The following C16orf87 variants were observed in gnomAD, a reference collection of about 807,000 sequenced individuals.
C16orf87 encodes the protein HDAC and MIER1 interacting protein 1.
A neutral mutation model predicts 21.0 loss-of-function variants in C16orf87; 13 were observed. The ratio of observed to expected loss-of-function variants is 0.62; its 90% confidence interval spans 0.40 to 0.98. The LOEUF (loss-of-function observed/expected upper bound fraction) is 0.98, where lower values mean the gene tolerates loss of function less well. Among genes scored for constraint, C16orf87 ranks in the 50% least tolerant of loss-of-function variants. C16orf87 has a pLI of 0.00. For synonymous variants in C16orf87, 49 were observed against 60.2 expected (o/e 0.81, Z 0.86); for missense variants, 113 against 180.4 (o/e 0.63, Z 2.14).
Position 46,824,394 on chromosome 16 carries a change from G to A in C16orf87, c.155C>T (p.Pro52Leu). The A allele has an allele frequency of 7.0e-7, 1 of 1,419,090 alleles. No individual in the cohort carries two copies. Among genetic ancestry groups the A allele is most frequent in the Non-Finnish European group, 9.9e-7 (1 of 1,014,438 alleles). The allele number at this position is 1,419,090 out of a possible 1,614,324, so 87.9% of individuals were successfully genotyped here. ...ATTAAACTCACAGTTACCTGTAGAAGGTGGTGATTTCTCTGAGTGTTTTGC... is the reference window on the plus strand; with the variant it reads ...ATTAAACTCACAGTTACCTGTAGAAAGTGGTGATTTCTCTGAGTGTTTTGC... ...LNAKHSEKSPPSTENKHEAKR... is the reference protein window; with the variant it reads ...LNAKHSEKSPLSTENKHEAKR... The change falls in exon 2 of 4, where the codon CCT becomes CTT. Residue 52 changes from proline (P) to leucine (L), a missense_variant. By Grantham distance (98) the Pro-to-Leu change is moderately conservative. Coordinates refer to ENST00000285697, the MANE Select transcript of C16orf87 (RefSeq NM_001001436.4).
intron 1 of C16orf87, among the ~76,000 whole-genome samples, chr16:46,827,842 C>G (rs1420977025): frequency 2.6e-5 from 4 of 151,438 alleles, no homozygotes; most frequent in African/African-American, 9.7e-5. Context: ...CTCGGCCTTC[C>G]AAAGTGCTGG....
intron 2 of C16orf87, among the ~76,000 whole-genome samples, chr16:46,811,956 A>G (rs760890759): frequency 6.6e-6 from 1 of 152,106 alleles, no homozygotes; most frequent in Non-Finnish European, 1.5e-5. Context: ...CTGTTCTTAA[A>G]CAAATGACAG....
At position 46,809,683 on chromosome 16, in the gene C16orf87, C is replaced by T. The variant is rs750863700; in HGVS notation, c.266G>A (p.Ser89Asn). The change falls in exon 3 of 4, where the codon AGT (serine) becomes AAT (asparagine). Residue 89 changes from serine (S) to asparagine (N), a missense_variant. Coordinates refer to ENST00000285697, the MANE Select transcript of C16orf87 (RefSeq NM_001001436.4). Reference sequence around the variant, plus strand: ...TCTGATATGATCTGAATGGCTGTTACTTCGAGACCTCTTTCTGTTTTCTAA... The same window carrying T: ...TCTGATATGATCTGAATGGCTGTTATTTCGAGACCTCTTTCTGTTTTCTAA... ...KDLENRKRSR[S>N]NSHSDHIRRG... is the part of the protein sequence containing the mutation. 4.3e-6 allele frequency: 7 copies of T among 1,610,286 alleles called. No individual in the cohort carries two copies. The South Asian group carries it at 7.7e-5, about 18-fold the overall frequency.
intron 1 of C16orf87, among the ~76,000 whole-genome samples, chr16:46,824,713 T>G (rs181168734): frequency 0.016 from 2,350 of 148,894 alleles, 62 homozygotes; most frequent in African/African-American, 0.053. Flanking sequence ...TCACCCAGGC[T>G]GGAGTGCAGT....
intron 3 of C16orf87, among the ~76,000 whole-genome samples, chr16:46,809,381 G>A (rs1968017224): frequency 6.6e-6 from 1 of 151,848 alleles, no homozygotes; most frequent in South Asian, 2.1e-4. Flanking sequence ...TTATAGCAAG[G>A]TAAATTTTAC....
rs982366963 is a variant in C16orf87, at chr16:46,802,614, T to C, written c.*338A>G. On this transcript the variant is annotated 3_prime_UTR_variant, in exon 4 of 4. Coordinates refer to ENST00000285697, the MANE Select transcript of C16orf87 (RefSeq NM_001001436.4). Reference sequence around the variant, plus strand: ...ACCTGAAAACAATCAAGCATCTTATTACCCTAGTTTTCATACCTACCCCAT... The same window carrying C: ...ACCTGAAAACAATCAAGCATCTTATCACCCTAGTTTTCATACCTACCCCAT... 5.9e-6 allele frequency: 1 copy of C among 168,720 alleles called. No individual in the cohort carries two copies. Among genetic ancestry groups the C allele is most frequent in the Non-Finnish European group, 1.3e-5 (1 of 79,142 alleles). The allele number at this position is 168,720 out of a possible 1,614,324, so 10.5% of individuals were successfully genotyped here. A position where few individuals can be genotyped will look rare whatever the true frequency, so the allele number is the denominator to read the frequency against.
At chr16:46,830,264 C>CAGAGAGAGAG (rs1253533207) in intron 1 of C16orf87, among the ~76,000 whole-genome samples, 199 of 41,122 alleles carry the variant, frequency 4.8e-3, no homozygotes, top group Admixed American at 6.8e-3. Context: ...TAGAGAGAGA[C>CAGAGAGAGAG]AGACAGAGAG....
intron 2 of C16orf87, among the ~76,000 whole-genome samples, chr16:46,815,587 T>C (rs996992801): frequency 6.6e-6 from 1 of 151,874 alleles, no homozygotes; most frequent in African/African-American, 2.4e-5. Flanking sequence ...GCAGAAGACT[T>C]GAATAGGTAT....
rs1238813542 is a variant in C16orf87, at chr16:46,799,993, C to A, written c.*2959G>T. Reference sequence around the variant, plus strand: ...GAGCTTAATTTTTCTAAATTTAAGACAAACATGCAGATTGAAAGGCAAGCC... The same window carrying A: ...GAGCTTAATTTTTCTAAATTTAAGAAAAACATGCAGATTGAAAGGCAAGCC... On this transcript the variant is annotated 3_prime_UTR_variant, in exon 4 of 4. Transcript: ENST00000285697. 1 of 152,036 alleles carries A rather than the reference C, an allele frequency of 6.6e-6. No homozygotes were observed. The highest frequency in any genetic ancestry group is 2.4e-5 in the African/African-American group (1 of 41,394). 9.4% of individuals were successfully genotyped at this position (152,036 alleles called of 1,614,324 possible).
At chr16:46,823,233 T>C (rs548516824) in intron 2 of C16orf87, among the ~76,000 whole-genome samples, 1 of 152,324 alleles carries the variant, frequency 6.6e-6, no homozygotes, top group East Asian at 1.9e-4. Flanking sequence ...ATTTTCTCTG[T>C]ATATTTGTTC....
chr16:46,807,006 A>G (rs1171418743), intron 3 of C16orf87, among the ~76,000 whole-genome samples: 3 of 152,264 alleles, frequency 2.0e-5, no homozygotes, highest in Non-Finnish European at 4.4e-5. Context: ...AAGCATATCC[A>G]AGAAATCTAT....
chr16:46,803,591 C>T (rs922708236), intron 3 of C16orf87, among the ~76,000 whole-genome samples: 14 of 152,218 alleles, frequency 9.2e-5, no homozygotes, highest in Non-Finnish European at 2.1e-4. Flanking sequence ...TCACAATTAA[C>T]ATCTTGGTGT....
At position 46,798,976 on chromosome 16, in the gene C16orf87, T is replaced by C. The variant is rs1200134150; in HGVS notation, c.*3976A>G. 1 of 152,106 alleles carries C rather than the reference T, an allele frequency of 6.6e-6. No homozygotes were observed. Among genetic ancestry groups the C allele is most frequent in the Non-Finnish European group, 1.5e-5 (1 of 68,020 alleles). 9.4% of individuals were successfully genotyped at this position (152,106 alleles called of 1,614,324 possible). A position where few individuals can be genotyped will look rare whatever the true frequency, so the allele number is the denominator to read the frequency against. Reference sequence around the variant, plus strand: ...TTATTTAATGCTTAATGACTGAATGTTTCCCCCCTACAACTGGATCAAGGC... The same window carrying C: ...TTATTTAATGCTTAATGACTGAATGCTTCCCCCCTACAACTGGATCAAGGC... On this transcript the variant is annotated 3_prime_UTR_variant, in exon 4 of 4. Transcript: ENST00000285697.
chr16:46,812,793 C>G (rs1212467241), intron 2 of C16orf87, among the ~76,000 whole-genome samples: 2 of 152,188 alleles, frequency 1.3e-5, no homozygotes, highest in African/African-American at 4.8e-5. Context: ...CAGTATAGTT[C>G]CTATCCCACT....
chr16:46,817,908 T>G (rs1567313424), intron 2 of C16orf87, among the ~76,000 whole-genome samples: 2 of 18,064 alleles, frequency 1.1e-4, no homozygotes, highest in South Asian at 3.1e-3. Context: ...ATTTTTTTCA[T>G]CAAAAAGCAA....
chr16:46,829,975 C>T (rs1959778988), intron 1 of C16orf87, among the ~76,000 whole-genome samples: 1 of 149,782 alleles, frequency 6.7e-6, no homozygotes, highest in Non-Finnish European at 1.5e-5. Flanking sequence ...GAAAGGTAGT[C>T]ATTTTGAAAA....
intron 3 of C16orf87, among the ~76,000 whole-genome samples, chr16:46,808,636 A>G (rs973282639): frequency 6.6e-6 from 1 of 152,230 alleles, no homozygotes; most frequent in Non-Finnish European, 1.5e-5. Context: ...CCAGCTTGAA[A>G]GTCTCAATTT....
chr16:46,799,194 T>C lies in C16orf87; in HGVS notation c.*3758A>G, dbSNP rs1176357721. 3.3e-5 allele frequency: 5 copies of C among 152,206 alleles called. No individual in the cohort carries two copies. Among genetic ancestry groups the C allele is most frequent in the African/African-American group, 1.2e-4 (5 of 41,460 alleles). The allele number at this position is 152,206 out of a possible 1,614,324, so 9.4% of individuals were successfully genotyped here. On this transcript the variant is annotated 3_prime_UTR_variant, in exon 4 of 4. Coordinates refer to ENST00000285697, the MANE Select transcript of C16orf87 (RefSeq NM_001001436.4). ...TCTGCTTTGTATGTTAGGATAGTTA[T>C]TAGTATAGTTGTAATCTTTGAGTAG...
intron 1 of C16orf87, among the ~76,000 whole-genome samples, chr16:46,827,654 C>A (rs1210923464): frequency 6.6e-6 from 1 of 151,882 alleles, no homozygotes; most frequent in Non-Finnish European, 1.5e-5. Context: ...GCGATCTTGG[C>A]TCACTGCAAC....
Sources: allele counts gnomAD v4.1 joint callset (sites outside exome capture counted in the v4.1 genomes callset), GRCh38; gene constraint gnomAD v4.1.1; transcripts MANE v1.5; gene names NCBI Gene and HGNC (gene_info 2026-07-23, HGNC 2026-07-21).